Variants in SASH1 observed in about 807,000 individuals in gnomAD.
SASH1 encodes SAM and SH3 domain containing 1, also known as SAM and SH3 domain-containing protein 1.
SASH1 carries 44 observed loss-of-function variants against 125.2 expected under a neutral mutation model. The observed-to-expected ratio is 0.35, with a 90% confidence interval of 0.28 to 0.45. SASH1 has a LOEUF of 0.45. Among genes scored for constraint, SASH1 ranks in the 20% least tolerant of loss-of-function variants. SASH1 has a pLI of 1.00. For synonymous variants in SASH1, 639 were observed against 649.1 expected (o/e 0.98, Z 0.24); for missense variants, 1,426 against 1,614.5 (o/e 0.88, Z 2.00).
At chr6:148,538,930 A>G (rs1782046809) in intron 16 of SASH1, among the ~76,000 whole-genome samples, 1 of 152,226 alleles carries the variant, frequency 6.6e-6, no homozygotes, top group African/African-American at 2.4e-5. Context: ...ACTCTGCATA[A>G]TAATGCAAAG....
At chr6:148,502,122 T>G (rs1297994191) in intron 8 of SASH1, among the ~76,000 whole-genome samples, 4 of 152,212 alleles carry the variant, frequency 2.6e-5, no homozygotes, top group African/African-American at 7.2e-5. Flanking sequence ...TGCCGCCGCC[T>G]CCTCCTCCGT....
At chr6:148,435,884 T>C (rs1310770844) in intron 2 of SASH1, among the ~76,000 whole-genome samples, 1 of 152,222 alleles carries the variant, frequency 6.6e-6, no homozygotes, top group Non-Finnish European at 1.5e-5. Context: ...CATTGCAGCC[T>C]AATACAGTGC....
At chr6:148,467,785 A>T (rs1777915544) in intron 4 of SASH1, among the ~76,000 whole-genome samples, 1 of 152,104 alleles carries the variant, frequency 6.6e-6, no homozygotes, top group Admixed American at 6.5e-5. Context: ...AAAAATACAA[A>T]AATTAGCCAG....
the SASH1 span, among the ~76,000 whole-genome samples, chr6:148,252,586 G>A: frequency 6.6e-6 from 1 of 151,306 alleles, no homozygotes; most frequent in African/African-American, 2.4e-5. Context: ...TCAAGCGATT[G>A]TCCTGCCTCA....
intron 10 of SASH1, chr6:148,524,747 T>G (rs1466622788): frequency 1.3e-5 from 2 of 152,402 alleles, no homozygotes; most frequent in Admixed American, 1.3e-4. Context: ...TTGGCCTGAT[T>G]GGACAACTGT....
rs1260835360 is a variant in SASH1 at position 148,529,756 on chromosome 6, A to G, written c.1429-1770A>G. 1.3e-5 allele frequency among the ~76,000 whole-genome samples: 2 copies of G among 151,766 alleles called. No homozygotes were observed. Among genetic ancestry groups the G allele is most frequent in the Admixed American group, 1.3e-4 (2 of 15,248 alleles). On this transcript the variant is annotated intron_variant, in intron 12 of 19. Transcript: ENST00000367467. This position sits in a 1 kb window ranked among gnomAD's most constrained non-coding sequence, Gnocchi z 4.2. ...TAAAAGAAACAACTGATCATTATAA[A>G]TTTTCTGTAAAGCAAAAATAATGGA...
Position 148,313,023 on chromosome 6 carries a change from A to G in SASH1, n.74+40646A>G, listed in dbSNP as rs138082093. Among the ~76,000 whole-genome samples, 771 of 152,278 alleles carry G rather than the reference A, an allele frequency of 5.1e-3. 5 individuals are homozygous for G. Among genetic ancestry groups the G allele is most frequent in the African/African-American group, 0.018 (745 of 41,554 alleles). Reference sequence around the variant, plus strand: ...GGAGATTCACTAAATGACACCAGCAAGACAAAACAACACCCCTTCCCAACA... The same window carrying G: ...GGAGATTCACTAAATGACACCAGCAGGACAAAACAACACCCCTTCCCAACA... On this transcript the variant is annotated intron_variant and non_coding_transcript_variant, in intron 1 of 3. Transcript: ENST00000367469.
intron 2 of SASH1, among the ~76,000 whole-genome samples, chr6:148,415,661 C>T (rs1784791618): frequency 6.6e-6 from 1 of 152,092 alleles, no homozygotes; most frequent in African/African-American, 2.4e-5. Context: ...CCCTTGCAAA[C>T]TTCAAGAATT....
chr6:148,292,464 C>G (rs1206330048), intron 1 of SASH1, among the ~76,000 whole-genome samples: 1 of 152,146 alleles, frequency 6.6e-6, no homozygotes, highest in Non-Finnish European at 1.5e-5. Flanking sequence ...CAGATATTAG[C>G]AACATTCTGC....
chr6:148,258,272 C>G, the SASH1 span, among the ~76,000 whole-genome samples: 1 of 152,070 alleles, frequency 6.6e-6, no homozygotes, highest in Non-Finnish European at 1.5e-5. Flanking sequence ...GAGCCATTTT[C>G]AAAACTAGCA....
At chr6:148,406,245 T>C (rs1274961487) in intron 2 of SASH1, among the ~76,000 whole-genome samples, 1 of 152,134 alleles carries the variant, frequency 6.6e-6, no homozygotes, top group African/African-American at 2.4e-5. Context: ...TGGCTGGTCA[T>C]AGGAATCTCA....
At chr6:148,449,033 G>T (rs1219519474) in intron 4 of SASH1, among the ~76,000 whole-genome samples, 2 of 139,360 alleles carry the variant, frequency 1.4e-5, no homozygotes, top group Non-Finnish European at 1.6e-5. Flanking sequence ...TCCATTTTGT[G>T]TTGCTGTGAT....
At chr6:148,431,276 G>GCAA (rs1776049054) in intron 2 of SASH1, among the ~76,000 whole-genome samples, 2 of 151,698 alleles carry the variant, frequency 1.3e-5, no homozygotes, top group Non-Finnish European at 2.9e-5. Flanking sequence ...TCGGCTCACT[G>GCAA]CAACCTCCTC....
At chr6:148,512,361 A>G (rs929403252) in intron 8 of SASH1, 51 of 493,032 alleles carry the variant, frequency 1.0e-4, no homozygotes, top group Middle Eastern at 1.1e-3. Context: ...GAGACTTTCT[A>G]TAACATAATG....
At position 148,468,749 on chromosome 6, in the gene SASH1, A is replaced by G. The variant is rs573519108; in HGVS notation, c.427+164A>G. ...TTCTCCTTTTTCTAGGCAGTTTTAA[A>G]AAAATATAATTGTGATCATATTCTG... On this transcript the variant is annotated intron_variant, in intron 5 of 19. Coordinates refer to ENST00000367467, the MANE Select transcript of SASH1 (RefSeq NM_015278.5). 31 of 543,140 alleles carry G rather than the reference A, an allele frequency of 5.7e-5. No individual in the cohort carries two copies. In the South Asian group the frequency reaches 8.8e-4, roughly 15 times the overall value. 33.6% of individuals were successfully genotyped at this position (543,140 alleles called of 1,614,324 possible). A position where few individuals can be genotyped will look rare whatever the true frequency, so the allele number is the denominator to read the frequency against.
intron 4 of SASH1, among the ~76,000 whole-genome samples, chr6:148,460,766 A>C (rs528257888): frequency 6.6e-6 from 1 of 152,364 alleles, no homozygotes; most frequent in Admixed American, 6.5e-5. Flanking sequence ...TGTCATGCTT[A>C]ATCATTATGT....
chr6:148,440,354 G>A lies in SASH1; in HGVS notation c.337-4G>A, dbSNP rs549750606. 82 of 1,613,556 alleles carry A rather than the reference G, an allele frequency of 5.1e-5. No homozygotes were observed. The highest frequency in any genetic ancestry group is 8.3e-5 in the Admixed American group (5 of 59,974). ...ACACTGACTATACGAATCTTCTCTC[G>A]TAGGAGTCGCTTGGCTTCTGTAGCG... On this transcript the variant is annotated splice_region_variant and splice_polypyrimidine_tract_variant and intron_variant, in intron 3 of 19. Transcript: ENST00000367467.
At chr6:148,263,871 C>A in the SASH1 span, among the ~76,000 whole-genome samples, 1 of 152,156 alleles carries the variant, frequency 6.6e-6, no homozygotes. Context: ...GGGTGGAGGA[C>A]TCATTTCTGA....
At chr6:148,421,125 GAAA>G (rs1785044127) in intron 2 of SASH1, among the ~76,000 whole-genome samples, 6 of 63,466 alleles carry the variant, frequency 9.5e-5, no homozygotes. Flanking sequence ...AAGAAAGGAA[GAAA>G]GGAAGGAAGG....
Sources: gnomAD v4.1 joint callset for allele counts (sites outside exome capture counted in the v4.1 genomes callset) on GRCh38, gnomAD v4.1.1 for gene constraint, Gnocchi (gnomAD v3.1) non-coding constraint, MANE v1.5 for transcripts, NCBI Gene and HGNC (gene_info 2026-07-23, HGNC 2026-07-21) for gene names.